The following SOX5 variants were observed in gnomAD, a reference collection of about 807,000 sequenced individuals.
SOX5 encodes the protein transcription factor SOX-5.
SOX5 carries 9 observed loss-of-function variants against 92.0 expected under a neutral mutation model. That is an observed-to-expected ratio of 0.10 (90% CI 0.06 to 0.17). The LOEUF (loss-of-function observed/expected upper bound fraction) is 0.17, where lower values mean the gene tolerates loss of function less well. SOX5 is among the 10% of genes least tolerant of loss of function. The pLI is 1.00. For synonymous variants in SOX5, 344 were observed against 336.3 expected, an observed-to-expected ratio of 1.02 and a Z score of -0.25; for missense variants, 642 against 944.5, an observed-to-expected ratio of 0.68 and a Z score of 4.20.
Position 23,880,810 on chromosome 12 carries a change from C to A in SOX5, c.270+14983G>T, listed in dbSNP as rs376874017. ...CTTACGGAAAGCAAAGAAATGAATT[C>A]TTACACAAATGAATAGACTAACTGT... On this transcript the variant is annotated intron_variant, in intron 2 of 14. Coordinates refer to ENST00000451604, the MANE Select transcript of SOX5 (RefSeq NM_006940.6). Among the ~76,000 whole-genome samples the A allele has an allele frequency of 7.2e-5, 11 of 152,238 alleles. No individual in the cohort carries two copies. The East Asian group carries it at 1.9e-3, about 27-fold the overall frequency.
intron 4 of SOX5, among the ~76,000 whole-genome samples, chr12:24,024,716 T>C (rs116199498): frequency 5.5e-4 from 83 of 152,194 alleles, no homozygotes; most frequent in African/African-American, 1.9e-3. Flanking sequence ...CTATACTGTG[T>C]TAGCATTGGA....
At chr12:24,520,505 A>T (rs1372163342) in intron 1 of SOX5, among the ~76,000 whole-genome samples, 1 of 150,980 alleles carries the variant, frequency 6.6e-6, no homozygotes, top group East Asian at 1.9e-4. Flanking sequence ...ATAAACAGTA[A>T]AAAAAAACAA....
At chr12:23,683,653 A>C (rs1332718790) in intron 6 of SOX5, among the ~76,000 whole-genome samples, 1 of 151,890 alleles carries the variant, frequency 6.6e-6, no homozygotes, top group Non-Finnish European at 1.5e-5. Context: ...AGGAGAAAAA[A>C]CTCAACGTTT....
chr12:24,351,905 T>A (rs1565964499), intron 2 of SOX5, among the ~76,000 whole-genome samples: 1 of 152,258 alleles, frequency 6.6e-6, no homozygotes, highest in African/African-American at 2.4e-5. Flanking sequence ...TTTTCAGTGA[T>A]CCAGGTCATT....
At chr12:23,771,964 A>G (rs2094948668) in intron 3 of SOX5, among the ~76,000 whole-genome samples, 1 of 152,190 alleles carries the variant, frequency 6.6e-6, no homozygotes, top group African/African-American at 2.4e-5. Context: ...GTGCTCATAT[A>G]AATTCATAGA....
intron 1 of SOX5, among the ~76,000 whole-genome samples, chr12:23,928,150 G>T (rs188512959): frequency 6.6e-6 from 1 of 152,114 alleles, no homozygotes; most frequent in East Asian, 1.9e-4. Context: ...GAAGCCAAAT[G>T]AGCCCAGAGA....
chr12:24,308,521 A>G, intron 2 of SOX5, among the ~76,000 whole-genome samples: 1 of 152,192 alleles, frequency 6.6e-6, no homozygotes, highest in East Asian at 1.9e-4. Context: ...GGAGGCAAGA[A>G]TCGAGGTTGC....
intron 4 of SOX5, among the ~76,000 whole-genome samples, chr12:24,199,507 A>G (rs1235194254): frequency 1.3e-5 from 2 of 152,198 alleles, no homozygotes; most frequent in Non-Finnish European, 2.9e-5. Context: ...CTCAACATCC[A>G]ATCATATCTC....
chr12:24,180,015 G>A lies in SOX5; in HGVS notation c.-2+33328C>T, dbSNP rs191381728. ...CAGGTTATGCAGTGGTAGTATCATCGCTCACTGCATCCTCGACCTCCCAGG... is the reference window on the plus strand; with the variant it reads ...CAGGTTATGCAGTGGTAGTATCATCACTCACTGCATCCTCGACCTCCCAGG... On this transcript the variant is annotated intron_variant, in intron 4 of 4. Transcript: ENST00000446891. Among the ~76,000 whole-genome samples the A allele has an allele frequency of 5.9e-5, 9 of 151,430 alleles. No individual in the cohort carries two copies. In the South Asian group the frequency reaches 1.3e-3, roughly 21 times the overall value.
At position 24,220,592 on chromosome 12, in the gene SOX5, A is replaced by G. The variant is rs532415438; in HGVS notation, c.-76-7175T>C. ...GTTATTATTTAAACGGGGCAAAAAA[A>G]TGTTTTCCAAAGGTTCTAAGTTGGC... On this transcript the variant is annotated intron_variant, in intron 3 of 4. Transcript: ENST00000446891. Among the ~76,000 whole-genome samples the G allele has an allele frequency of 2.6e-5, 4 of 152,272 alleles. No individual in the cohort carries two copies. The South Asian group carries it at 6.2e-4, about 24-fold the overall frequency.
At chr12:24,043,562 C>G (rs1371376668) in intron 4 of SOX5, among the ~76,000 whole-genome samples, 2 of 152,202 alleles carry the variant, frequency 1.3e-5, no homozygotes, top group African/African-American at 4.8e-5. Flanking sequence ...AACTTTCTTA[C>G]TGAATTTCCC....
chr12:23,638,864 G>C (rs1000318131), intron 8 of SOX5, among the ~76,000 whole-genome samples: 6 of 145,010 alleles, frequency 4.1e-5, no homozygotes, highest in Non-Finnish European at 7.5e-5. Flanking sequence ...TGTTTGTTCT[G>C]AATAACGGTT....
At chr12:23,994,680 C>A (rs989042234) in intron 4 of SOX5, among the ~76,000 whole-genome samples, 1 of 151,928 alleles carries the variant, frequency 6.6e-6, no homozygotes, top group African/African-American at 2.4e-5. Flanking sequence ...GGTGTGTGGG[C>A]AGGAGGAGAG....
intron 1 of SOX5, among the ~76,000 whole-genome samples, chr12:24,432,077 T>C (rs1247007404): frequency 1.3e-5 from 2 of 152,150 alleles, no homozygotes; most frequent in South Asian, 2.1e-4. Flanking sequence ...ATCCCAAAGA[T>C]TGGCAGACTG....
chr12:24,385,808 T>C (rs945757674), intron 1 of SOX5, among the ~76,000 whole-genome samples: 19 of 151,518 alleles, frequency 1.3e-4, no homozygotes, highest in African/African-American at 4.4e-4. Flanking sequence ...GGTGCATTTC[T>C]ATAGTCCCAG....
chr12:23,676,329 T>C (rs2085685401), intron 6 of SOX5, among the ~76,000 whole-genome samples: 1 of 152,190 alleles, frequency 6.6e-6, no homozygotes, highest in Admixed American at 6.5e-5. Flanking sequence ...TTGTATACCC[T>C]AAATATACAC....
intron 9 of SOX5, among the ~76,000 whole-genome samples, chr12:23,579,732 C>T (rs905185767): frequency 6.6e-6 from 1 of 152,038 alleles, no homozygotes; most frequent in African/African-American, 2.4e-5. Context: ...AAAAGCTTAA[C>T]ATGATTAACT....
intron 4 of SOX5, among the ~76,000 whole-genome samples, chr12:24,174,138 C>T (rs1169988136): frequency 3.3e-5 from 5 of 152,078 alleles, no homozygotes; most frequent in African/African-American, 1.2e-4. Flanking sequence ...GCTGGGATTA[C>T]TAGTGTGCCC....
intron 4 of SOX5, among the ~76,000 whole-genome samples, chr12:24,068,993 A>G (rs1050098043): frequency 6.6e-6 from 1 of 151,438 alleles, no homozygotes; most frequent in African/African-American, 2.4e-5. Flanking sequence ...AATTTGGGAA[A>G]AAAAAAAAAA....
Sources: allele counts gnomAD v4.1 joint callset (sites outside exome capture counted in the v4.1 genomes callset), GRCh38; gene constraint gnomAD v4.1.1; transcripts MANE v1.5; gene names NCBI Gene and HGNC (gene_info 2026-07-23, HGNC 2026-07-21).